DAB2: variants seen among roughly 807,000 people sequenced by gnomAD.
The protein encoded by DAB2 is disabled homolog 2.
A neutral mutation model predicts 71.6 loss-of-function variants in DAB2; 28 were observed. The observed-to-expected ratio is 0.39, with a 90% confidence interval of 0.29 to 0.54. The LOEUF (loss-of-function observed/expected upper bound fraction) is 0.54, where lower values mean the gene tolerates loss of function less well. Ranked by LOEUF, DAB2 falls within the 20% of genes least tolerant of loss-of-function variation. The probability of loss-of-function intolerance (pLI) is 0.68; values close to 1 mark genes in which losing one functional copy is unlikely to be tolerated. For missense variants in DAB2, 867 were observed against 928.8 expected (o/e 0.93, Z 0.86); for synonymous variants, 345 against 339.7 (o/e 1.02, Z -0.17).
chr5:39,388,315 T>C lies in DAB2; in HGVS notation c.677A>G (p.Asn226Ser), dbSNP rs761105526. ...AAAACAAACACTTACTGTTGGACTATTTAGGTCAGGAGGTGTAGACATGTC... is the reference window on the plus strand; with the variant it reads ...AAAACAAACACTTACTGTTGGACTACTTAGGTCAGGAGGTGTAGACATGTC... ...FGDMSTPPDL[N>S]SPTESKDILL... The change falls in exon 9 of 15, where the codon AAT (asparagine) becomes AGT (serine). Residue 226 changes from asparagine (N) to serine (S), a missense_variant. Physicochemically the swap from Asn to Ser is conservative, Grantham distance 46 (BLOSUM62 1). Coordinates refer to ENST00000320816, the MANE Select transcript of DAB2 (RefSeq NM_001343.4). 84 of 1,610,942 alleles carry C rather than the reference T, an allele frequency of 5.2e-5. No individual in the cohort carries two copies. The East Asian group carries it at 6.5e-4, about 12-fold the overall frequency.
In DAB2 at chr5:39,383,089, A is replaced by G; in HGVS notation, c.870T>C (p.Pro290=). 4 of 1,614,144 alleles carry G rather than the reference A, an allele frequency of 2.5e-6. No homozygotes were observed. Among genetic ancestry groups the G allele is most frequent in the Non-Finnish European group, 3.4e-6 (4 of 1,180,032 alleles). Residue 290 remains proline, a synonymous_variant, in exon 10 of 15, where the codon CCT becomes CCC. Coordinates refer to ENST00000320816, the MANE Select transcript of DAB2 (RefSeq NM_001343.4). The stretch of plus-strand genomic sequence containing the variant: ...GATCGTCACGGAAAGGATCAGGATT[A>G]GGGGTGGGAAAGAAGTTGAGATTGG... The part of the protein sequence containing the change: ...FSANLNFFPT[P]NPDPFRDDPF...
intron 1 of DAB2, chr5:39,418,030 G>C (rs1261235328): frequency 6.6e-6 from 1 of 152,138 alleles, no homozygotes; most frequent in African/African-American, 2.4e-5. Flanking sequence ...CTTCAAAAAT[G>C]AATTGCATTT....
chr5:39,420,717 G>A (rs1755961007), intron 1 of DAB2, among the ~76,000 whole-genome samples: 1 of 152,122 alleles, frequency 6.6e-6, no homozygotes. Flanking sequence ...TTAAGTATTG[G>A]GATTAAAATA....
At chr5:39,424,219 T>C (rs574950722) in intron 1 of DAB2, among the ~76,000 whole-genome samples, 1 of 152,144 alleles carries the variant, frequency 6.6e-6, no homozygotes, top group Non-Finnish European at 1.5e-5. Context: ...ATATAAACCA[T>C]GCTCCCTGCG....
chr5:39,418,958 T>C (rs1426150701), intron 1 of DAB2, among the ~76,000 whole-genome samples: 1 of 152,210 alleles, frequency 6.6e-6, no homozygotes, highest in Non-Finnish European at 1.5e-5. Context: ...TTGTCTTACA[T>C]GGCAAAGCTA....
In DAB2 at chr5:39,377,147, C is replaced by T. The variant is rs1326314337; in HGVS notation, c.1640G>A (p.Gly547Asp). The T allele has an allele frequency of 1.2e-6, 2 of 1,614,048 alleles. No homozygotes were observed. The highest frequency in any genetic ancestry group is 1.1e-5 in the South Asian group (1 of 91,088). ...PSGFSQPVIF[G>D]TSPAVSGWNQ... is the part of the protein sequence containing the mutation. Reference sequence around the variant, plus strand: ...CCAACCTGAAACAGCTGGACTTGTACCAAAAATGACGGGCTGACTAAAACC... The same window carrying T: ...CCAACCTGAAACAGCTGGACTTGTATCAAAAATGACGGGCTGACTAAAACC... Residue 547 changes from glycine (G) to aspartate (D), a missense_variant, in exon 12 of 15, where the codon GGT (glycine) becomes GAT (aspartate). By Grantham distance (94) the Gly-to-Asp change is moderately conservative. Around this residue, in one of 2 missense-constraint regions of DAB2, gnomAD observed 740 missense variants for 734.3 expected, o/e 1.01. Coordinates refer to ENST00000320816, the MANE Select transcript of DAB2 (RefSeq NM_001343.4).
chr5:39,376,726 G>T lies in DAB2; in HGVS notation c.2061C>A (p.Asn687Lys). 1 of 1,614,146 alleles carries T rather than the reference G, an allele frequency of 6.2e-7. No homozygotes were observed. The highest frequency in any genetic ancestry group is 8.5e-7 in the Non-Finnish European group (1 of 1,180,018). The change falls in exon 12 of 15, where the codon AAC becomes AAA. Residue 687 changes from asparagine to lysine, a missense_variant. Asn to Lys is a moderately conservative substitution (Grantham distance 94, BLOSUM62 0). This residue lies in a region of DAB2 where 740 missense variants were observed against 734.3 expected (regional missense o/e 1.01). Coordinates refer to ENST00000320816, the MANE Select transcript of DAB2 (RefSeq NM_001343.4). ...GTLSAFASYF[N>K]SKVGIPQENA... ...TCTCCTGAGGAATGCCAACCTTGCT[G>T]TTGAAATAACTGGCAAAGGCACTCA...
intron 1 of DAB2, among the ~76,000 whole-genome samples, chr5:39,402,307 T>G (rs1755521739): frequency 1.3e-5 from 2 of 152,210 alleles, no homozygotes; most frequent in Non-Finnish European, 2.9e-5. Context: ...TGTAGTCTTG[T>G]GCTCTTTCCA....
At position 39,377,038 on chromosome 5, in the gene DAB2, A is replaced by G; in HGVS notation, c.1749T>C (p.Ala583=). ...WGPSASVAPN[A]WSTTSPLGNP... ...TCCCCAAAGGGCTTGTTGTTGACCA[A>G]GCATTGGGTGCCACAGATGCAGAAG... The change falls in exon 12 of 15, where the codon GCT becomes GCC. Residue 583 remains alanine (A), a synonymous_variant. Transcript: ENST00000320816. 1 of 1,614,148 alleles carries G rather than the reference A, an allele frequency of 6.2e-7. No homozygotes were observed. Among genetic ancestry groups the G allele is most frequent in the Non-Finnish European group, 8.5e-7 (1 of 1,180,020 alleles).
chr5:39,416,077 T>C (rs1037589331), intron 1 of DAB2, among the ~76,000 whole-genome samples: 3 of 152,088 alleles, frequency 2.0e-5, no homozygotes, highest in Admixed American at 2.0e-4. Context: ...TTTTACTTAG[T>C]TCCAGCATTT....
intron 9 of DAB2, among the ~76,000 whole-genome samples, chr5:39,385,944 C>T (rs185434638): frequency 6.6e-6 from 1 of 152,192 alleles, no homozygotes; most frequent in East Asian, 1.9e-4. Flanking sequence ...CTTTTAGCAT[C>T]GATTTTTCTG....
chr5:39,407,251 G>A (rs549321592), intron 1 of DAB2, among the ~76,000 whole-genome samples: 16 of 152,210 alleles, frequency 1.1e-4, no homozygotes, highest in Admixed American at 9.2e-4. Flanking sequence ...ACGGAGTCTC[G>A]CTCTGTTGCC....
intron 11 of DAB2, among the ~76,000 whole-genome samples, chr5:39,381,091 G>T (rs1754970034): frequency 6.6e-6 from 1 of 152,206 alleles, no homozygotes; most frequent in Non-Finnish European, 1.5e-5. Context: ...CAAAAGACAT[G>T]GAAGACATGC....
intron 9 of DAB2, among the ~76,000 whole-genome samples, chr5:39,385,676 C>T (rs1579905848): frequency 6.6e-6 from 1 of 152,264 alleles, no homozygotes; most frequent in African/African-American, 2.4e-5. Flanking sequence ...CTCCAGTAAT[C>T]GGACATAAAT....
chr5:39,418,005 T>C (rs1232508970), intron 1 of DAB2: 2 of 152,234 alleles, frequency 1.3e-5, no homozygotes, highest in East Asian at 1.9e-4. Context: ...ATCAGCTACA[T>C]ACTTGTTTTT....
chr5:39,406,977 A>C (rs904482606), intron 1 of DAB2, among the ~76,000 whole-genome samples: 7 of 152,168 alleles, frequency 4.6e-5, no homozygotes, highest in African/African-American at 1.7e-4. Context: ...TTTTACTTTA[A>C]ATTTGGCATC....
chr5:39,418,990 C>T (rs1041711290), intron 1 of DAB2, among the ~76,000 whole-genome samples: 3 of 152,212 alleles, frequency 2.0e-5, no homozygotes, highest in Admixed American at 6.5e-5. Context: ...CAGTCATTTG[C>T]AGCTTAGAAC....
chr5:39,404,416 T>A (rs1239710382), intron 1 of DAB2, among the ~76,000 whole-genome samples: 4 of 80,806 alleles, frequency 5.0e-5, no homozygotes, highest in African/African-American at 1.2e-4. Flanking sequence ...AAAAGTAAAA[T>A]TAAAAAAATA....
At chr5:39,374,958 T>A (rs766442805) in intron 14 of DAB2, 56 bp downstream of exon 14, 91 of 1,083,064 alleles carry the variant, frequency 8.4e-5, no homozygotes, top group Non-Finnish European at 1.2e-4. Flanking sequence ...CTTTATTCCA[T>A]GTCACCCTTT....
Sources: gnomAD v4.1 joint callset for allele counts (sites outside exome capture counted in the v4.1 genomes callset) on GRCh38, gnomAD v4.1.1 for gene constraint, gnomAD v4.1.1 regional missense constraint, MANE v1.5 for transcripts, NCBI Gene and HGNC (gene_info 2026-07-23, HGNC 2026-07-21) for gene names.